ZNF483: variants seen among roughly 807,000 people sequenced by gnomAD.
The protein encoded by ZNF483 is zinc finger protein HIT-10.
A neutral mutation model predicts 28.6 loss-of-function variants in ZNF483; 9 were observed. That is an observed-to-expected ratio of 0.32 (90% CI 0.19 to 0.55). The LOEUF (loss-of-function observed/expected upper bound fraction) is 0.55, where lower values mean the gene tolerates loss of function less well. Ranked by LOEUF, ZNF483 falls within the 20% of genes least tolerant of loss-of-function variation. The pLI is 0.93. For synonymous variants in ZNF483, 322 were observed against 306.2 expected, an observed-to-expected ratio of 1.05 and a Z score of -0.54; for missense variants, 675 against 871.7, an observed-to-expected ratio of 0.77 and a Z score of 2.84.
chr9:111,555,076 G>A lies in ZNF483; in HGVS notation c.*11906G>A, dbSNP rs768839133. ...ATTACTGGCGAGCAGGCAGAGGCAC[G>A]CCACATGGTGGGATAGGAGTTGGAG... On this transcript the variant is annotated 3_prime_UTR_variant, in exon 6 of 6. Coordinates refer to ENST00000309235, the MANE Select transcript of ZNF483 (RefSeq NM_133464.5). Among the ~76,000 whole-genome samples the A allele has an allele frequency of 1.3e-5, 2 of 152,284 alleles. No homozygotes were observed. The highest frequency in any genetic ancestry group is 1.9e-4 in the East Asian group (1 of 5,190).
rs148353509 is a variant in ZNF483 at position 111,529,031 on chromosome 9, C to A, written c.412+1224C>A. On this transcript the variant is annotated intron_variant, in intron 2 of 5. Coordinates refer to ENST00000309235, the MANE Select transcript of ZNF483 (RefSeq NM_133464.5). ...TGGTGGTGCACGCCTGTAATCCCAGCTACTCTGGAGGCTGAGGCAGGAGAA... is the reference window on the plus strand; with the variant it reads ...TGGTGGTGCACGCCTGTAATCCCAGATACTCTGGAGGCTGAGGCAGGAGAA... Among the ~76,000 whole-genome samples, 595 of 152,120 alleles carry A rather than the reference C, an allele frequency of 3.9e-3. 4 individuals are homozygous for A. Among genetic ancestry groups the A allele is most frequent in the African/African-American group, 0.013 (536 of 41,516 alleles).
In ZNF483 at chr9:111,551,750, A is replaced by G. The variant is rs916531198; in HGVS notation, c.*8580A>G. Among the ~76,000 whole-genome samples, 1 of 152,188 alleles carries G rather than the reference A, an allele frequency of 6.6e-6. No homozygotes were observed. The highest frequency in any genetic ancestry group is 1.5e-5 in the Non-Finnish European group (1 of 68,024). On this transcript the variant is annotated 3_prime_UTR_variant, in exon 6 of 6. Coordinates refer to ENST00000309235, the MANE Select transcript of ZNF483 (RefSeq NM_133464.5). Reference sequence around the variant, plus strand: ...TCCACATTAACAAAACTTTTATTAGAAAAATTCATTTAATATCTAGGCAAA... The same window carrying G: ...TCCACATTAACAAAACTTTTATTAGGAAAATTCATTTAATATCTAGGCAAA...
intron 2 of ZNF483, among the ~76,000 whole-genome samples, chr9:111,530,274 G>A (rs1183381780): frequency 6.6e-6 from 1 of 152,198 alleles, no homozygotes; most frequent in Admixed American, 6.5e-5. Flanking sequence ...GCAGTTCCTG[G>A]AGAGCTGTGT....
At chr9:111,531,720 A>G in intron 3 of ZNF483, among the ~76,000 whole-genome samples, 1 of 152,086 alleles carries the variant, frequency 6.6e-6, no homozygotes, top group Non-Finnish European at 1.5e-5. Flanking sequence ...TCTGTCATCT[A>G]GGCTGGAGTG....
chr9:111,531,346 A>T (rs899051914), intron 3 of ZNF483, among the ~76,000 whole-genome samples: 1 of 151,336 alleles, frequency 6.6e-6, no homozygotes, highest in Non-Finnish European at 1.5e-5. Context: ...CACTATTAAA[A>T]TTAGTCAAGT....
At chr9:111,536,093 C>T (rs1381434115) in intron 5 of ZNF483, among the ~76,000 whole-genome samples, 1 of 149,924 alleles carries the variant, frequency 6.7e-6, no homozygotes, top group East Asian at 2.0e-4. Context: ...TGGCGTTTCC[C>T]CATGGAAAGG....
Position 111,530,917 on chromosome 9 carries a change from CAA to C in ZNF483, c.458_459del (p.Lys153ArgfsTer3). The stretch of plus-strand genomic sequence containing the variant: ...TCTACTGTTTCCCAAGAGGAGAACT[CAA>C]AAGAGGATAAAATGGTCACTGTTTG... On this transcript the variant is annotated frameshift_variant, in exon 3 of 6. Transcript: ENST00000309235. LOFTEE classifies it high-confidence loss of function. 1 of 1,553,996 alleles carries C rather than the reference CAA, an allele frequency of 6.4e-7. No homozygotes were observed. Among genetic ancestry groups the C allele is most frequent in the South Asian group, 1.2e-5 (1 of 85,820 alleles).
chr9:111,571,236 AC>A (rs1292902729), intron 5 of ZNF483, among the ~76,000 whole-genome samples: 2 of 148,970 alleles, frequency 1.3e-5, no homozygotes, highest in African/African-American at 4.9e-5. Context: ...ACATGGTGAA[AC>A]CCTGTCTCTA....
intron 5 of ZNF483, among the ~76,000 whole-genome samples, chr9:111,569,336 C>G (rs952116439): frequency 6.6e-6 from 1 of 152,254 alleles, no homozygotes; most frequent in Non-Finnish European, 1.5e-5. Flanking sequence ...GAGGACCAAT[C>G]AGTGAGGAAA....
Position 111,553,131 on chromosome 9 carries a change from A to G in ZNF483, c.*9961A>G, listed in dbSNP as rs1217393551. Among the ~76,000 whole-genome samples, 1 of 152,216 alleles carries G rather than the reference A, an allele frequency of 6.6e-6. No individual in the cohort carries two copies. The highest frequency in any genetic ancestry group is 1.5e-5 in the Non-Finnish European group (1 of 68,028). On this transcript the variant is annotated 3_prime_UTR_variant, in exon 6 of 6. Coordinates refer to ENST00000309235, the MANE Select transcript of ZNF483 (RefSeq NM_133464.5). ...GACTTACACTCACTAAATGGTTGCT[A>G]AAAATTACATGTCTTAAATATTGTC...
At chr9:111,572,483 A>G (rs1236074087) in intron 5 of ZNF483, among the ~76,000 whole-genome samples, 1 of 152,122 alleles carries the variant, frequency 6.6e-6, no homozygotes, top group African/African-American at 2.4e-5. Context: ...CCAGCTACTC[A>G]GGAGGCTAAG....
Position 111,547,938 on chromosome 9 carries a change from A to G in ZNF483, c.*4768A>G, listed in dbSNP as rs1442044661. On this transcript the variant is annotated 3_prime_UTR_variant, in exon 6 of 6. Transcript: ENST00000309235. Reference sequence around the variant, plus strand: ...CTTGTCAAAGATCATTTGACCATATACATGCATGTTTATTTCTGGCTGTCT... The same window carrying G: ...CTTGTCAAAGATCATTTGACCATATGCATGCATGTTTATTTCTGGCTGTCT... Among the ~76,000 whole-genome samples, 1 of 152,186 alleles carries G rather than the reference A, an allele frequency of 6.6e-6. No homozygotes were observed. The highest frequency in any genetic ancestry group is 1.5e-5 in the Non-Finnish European group (1 of 68,018).
At chr9:111,539,919 C>A (rs1827630504) in intron 5 of ZNF483, among the ~76,000 whole-genome samples, 1 of 152,076 alleles carries the variant, frequency 6.6e-6, no homozygotes, top group African/African-American at 2.4e-5. Flanking sequence ...CACTTGAGGT[C>A]AGGAGTTAGA....
At chr9:111,533,426 A>T (rs915551858) in intron 3 of ZNF483, among the ~76,000 whole-genome samples, 1 of 152,218 alleles carries the variant, frequency 6.6e-6, no homozygotes, top group African/African-American at 2.4e-5. Context: ...TCAGGCCTGT[A>T]ATCCCAGTGC....
intron 5 of ZNF483, chr9:111,575,207 C>A (rs1829007150): frequency 6.2e-6 from 1 of 161,920 alleles, no homozygotes; most frequent in Admixed American, 6.4e-5. Context: ...GAGGCTGAGG[C>A]AGGAGAACTG....
rs1480074139 is a variant in ZNF483, at chr9:111,547,500, T to G, written c.*4330T>G. 7.0e-6 allele frequency among the ~76,000 whole-genome samples: 1 copy of G among 143,830 alleles called. No individual in the cohort carries two copies. The highest frequency in any genetic ancestry group is 1.5e-5 in the Non-Finnish European group (1 of 67,874). The allele number at this position is 143,830 out of a possible 152,430, so 94.4% of individuals were successfully genotyped here. On this transcript the variant is annotated 3_prime_UTR_variant, in exon 6 of 6. Coordinates refer to ENST00000309235, the MANE Select transcript of ZNF483 (RefSeq NM_133464.5). ...CATTTTTTAATTGGTTTTGTTGGCG[T>G]TGTTGTTTAGTTGTAGAAGTTCTTA...
At chr9:111,531,433 G>A (rs975038835) in intron 3 of ZNF483, among the ~76,000 whole-genome samples, 1 of 152,004 alleles carries the variant, frequency 6.6e-6, no homozygotes, top group Non-Finnish European at 1.5e-5. Flanking sequence ...CTGGAGTGCG[G>A]TGGCGGTATC....
At chr9:111,538,390 C>T (rs1827574249) in intron 5 of ZNF483, among the ~76,000 whole-genome samples, 2 of 150,942 alleles carry the variant, frequency 1.3e-5, no homozygotes, top group South Asian at 2.1e-4. Context: ...TGGTGTGTGC[C>T]GTGGTGAGAG....
At chr9:111,570,223 G>A (rs2132348108) in intron 5 of ZNF483, 1 of 1,609,144 alleles carries the variant, frequency 6.2e-7, no homozygotes. Context: ...TGAAGAGAAG[G>A]GCACATTTGG....
Sources: allele counts gnomAD v4.1 joint callset (sites outside exome capture counted in the v4.1 genomes callset), GRCh38; gene constraint gnomAD v4.1.1; transcripts MANE v1.5; gene names NCBI Gene and HGNC (gene_info 2026-07-23, HGNC 2026-07-21).